Variants in MRPS27 observed in about 807,000 individuals in gnomAD.
The protein encoded by MRPS27 is small ribosomal subunit protein mS27.
Under a neutral mutation model 48.9 loss-of-function variants are expected in MRPS27, and 43 were observed. That is an observed-to-expected ratio of 0.88 (90% CI 0.69 to 1.13). MRPS27 has a LOEUF of 1.13. Ranked by LOEUF, MRPS27 falls within the 50% of genes most tolerant of loss-of-function variation. MRPS27 has a pLI of 0.00. For synonymous variants in MRPS27, 188 were observed against 171.9 expected, an observed-to-expected ratio of 1.09 and a Z score of -0.73; for missense variants, 467 against 476.3, an observed-to-expected ratio of 0.98 and a Z score of 0.18.
chr5:72,238,162 T>TA, intron 4 of MRPS27, 34 bp from the exon 5 acceptor site: 1 of 1,421,228 alleles, frequency 7.0e-7, no homozygotes, highest in Non-Finnish European at 9.9e-7. Context: ...AAACTGGTGT[T>TA]AACTCTTATA....
At chr5:72,288,502 G>A (rs1212738055) in intron 4 of MRPS27, among the ~76,000 whole-genome samples, 1 of 152,186 alleles carries the variant, frequency 6.6e-6, no homozygotes, top group Non-Finnish European at 1.5e-5. Flanking sequence ...GAGCCACTGC[G>A]CCCGGCCATG....
intron 4 of MRPS27, among the ~76,000 whole-genome samples, chr5:72,271,887 C>T (rs1423536576): frequency 6.6e-6 from 1 of 152,178 alleles, no homozygotes; most frequent in Admixed American, 6.6e-5. Flanking sequence ...TTGCAGGGCT[C>T]ATAAAAATTA....
At chr5:72,273,227 A>G (rs536880668) in intron 4 of MRPS27, among the ~76,000 whole-genome samples, 40 of 152,334 alleles carry the variant, frequency 2.6e-4, no homozygotes, top group African/African-American at 9.4e-4. Context: ...CCTTCTTGCC[A>G]AAGTGGACCA....
chr5:72,314,055 C>T (rs1374340047), intron 2 of MRPS27, 26 bp downstream of exon 2: 5 of 1,561,668 alleles, frequency 3.2e-6, no homozygotes, highest in African/African-American at 1.4e-5. Context: ...GAAAATGACA[C>T]ATATAATAGT....
At chr5:72,267,380 G>A (rs963980691) in intron 4 of MRPS27, among the ~76,000 whole-genome samples, 1 of 151,984 alleles carries the variant, frequency 6.6e-6, no homozygotes, top group African/African-American at 2.4e-5. Context: ...GTATTAATTT[G>A]CTTATAGACT....
chr5:72,232,400 C>G, intron 7 of MRPS27, 43 bp downstream of exon 7: 2 of 1,490,864 alleles, frequency 1.3e-6, no homozygotes, highest in Admixed American at 1.9e-5. Flanking sequence ...CCCTGCTTGC[C>G]TTTTCTAAAG....
chr5:72,230,513 AC>A (rs974916683), intron 7 of MRPS27, among the ~76,000 whole-genome samples: 22 of 151,670 alleles, frequency 1.5e-4, no homozygotes, highest in Non-Finnish European at 1.5e-5. Context: ...ATCTTACCCT[AC>A]CCCTTTGGAA....
chr5:72,254,692 G>A (rs928966326), intron 4 of MRPS27, among the ~76,000 whole-genome samples: 1 of 152,092 alleles, frequency 6.6e-6, no homozygotes, highest in African/African-American at 2.4e-5. Flanking sequence ...TAGCAAATAT[G>A]AGTGAACTTT....
At position 72,320,201 on chromosome 5, in the gene MRPS27, C is replaced by A. The variant is rs1750721228; in HGVS notation, c.21G>T (p.Arg7=). Reference sequence around the variant, plus strand: ...CTTGCCGCGCCAGGAGCATCCCGCGCCGCACTATGGAGGCAGCCATCTTGG... The same window carrying A: ...CTTGCCGCGCCAGGAGCATCCCGCGACGCACTATGGAGGCAGCCATCTTGG... MAASIV[R]RGMLLARQVV... Residue 7 remains arginine (R), a synonymous_variant, in exon 1 of 11, where the codon CGG becomes CGT. Transcript: ENST00000261413. 2 of 1,613,866 alleles carry A rather than the reference C, an allele frequency of 1.2e-6. No individual in the cohort carries two copies. Among genetic ancestry groups the A allele is most frequent in the Non-Finnish European group, 1.7e-6 (2 of 1,179,916 alleles).
chr5:72,308,281 TC>T (rs1750335280), intron 2 of MRPS27, among the ~76,000 whole-genome samples: 1 of 152,124 alleles, frequency 6.6e-6, no homozygotes, highest in South Asian at 2.1e-4. Flanking sequence ...CTCGCCGTAC[TC>T]CCCGGCAGGG....
intron 4 of MRPS27, among the ~76,000 whole-genome samples, chr5:72,251,439 G>T (rs1265771550): frequency 6.6e-6 from 1 of 152,194 alleles, no homozygotes; most frequent in Non-Finnish European, 1.5e-5. Context: ...CTAGGAAGGA[G>T]AAGCAAGGGG....
chr5:72,246,377 T>A (rs1487776437), intron 4 of MRPS27, among the ~76,000 whole-genome samples: 1 of 152,108 alleles, frequency 6.6e-6, no homozygotes, highest in Admixed American at 6.6e-5. Context: ...CCTCACTTAT[T>A]CCCCCTACTG....
intron 4 of MRPS27, among the ~76,000 whole-genome samples, chr5:72,274,621 T>C (rs1241370878): frequency 6.6e-6 from 1 of 152,238 alleles, no homozygotes; most frequent in East Asian, 1.9e-4. Flanking sequence ...ATGTATAATA[T>C]AGTAAATATA....
In MRPS27 at chr5:72,249,038, G is replaced by C. The variant is rs746756091; in HGVS notation, c.282-10910C>G. 8.1e-4 allele frequency among the ~76,000 whole-genome samples: 123 copies of C among 152,344 alleles called. 1 individual carries two copies. The highest frequency in any genetic ancestry group is 3.5e-3 in the Admixed American group (54 of 15,298). On this transcript the variant is annotated intron_variant, in intron 4 of 10. Coordinates refer to ENST00000261413, the MANE Select transcript of MRPS27 (RefSeq NM_015084.3). Reference sequence around the variant, plus strand: ...ATTAAGCAGAATTTCAAGTGTGGTAGCAAGTAGACTGTCCACATATACATG... The same window carrying C: ...ATTAAGCAGAATTTCAAGTGTGGTACCAAGTAGACTGTCCACATATACATG...
intron 4 of MRPS27, among the ~76,000 whole-genome samples, chr5:72,293,346 G>A (rs1168938253): frequency 2.0e-5 from 3 of 151,532 alleles, no homozygotes; most frequent in Non-Finnish European, 4.4e-5. Flanking sequence ...GTAATGGAAG[G>A]GAGGAGAAAG....
intron 4 of MRPS27, among the ~76,000 whole-genome samples, chr5:72,266,448 A>C (rs1749109081): frequency 6.6e-6 from 1 of 152,256 alleles, no homozygotes; most frequent in African/African-American, 2.4e-5. Context: ...AGGCTGCCAA[A>C]GTGGCACCAT....
chr5:72,279,362 C>T (rs116044891), intron 4 of MRPS27, among the ~76,000 whole-genome samples: 1 of 152,144 alleles, frequency 6.6e-6, no homozygotes, highest in Admixed American at 6.5e-5. Context: ...AGATACTAAT[C>T]TTTGTTAGCT....
intron 4 of MRPS27, among the ~76,000 whole-genome samples, chr5:72,262,546 T>C (rs1749009966): frequency 6.6e-6 from 1 of 152,128 alleles, no homozygotes; most frequent in African/African-American, 2.4e-5. Flanking sequence ...TTTAGACTGC[T>C]GTTGGACACC....
rs140959070 is a variant in MRPS27, at chr5:72,285,069, T to A, written c.281+10462A>T. 1.5e-4 allele frequency among the ~76,000 whole-genome samples: 23 copies of A among 152,334 alleles called. No homozygotes were observed. In the East Asian group the frequency reaches 2.5e-3, roughly 17 times the overall value. On this transcript the variant is annotated intron_variant, in intron 4 of 10. Coordinates refer to ENST00000261413, the MANE Select transcript of MRPS27 (RefSeq NM_015084.3). Reference sequence around the variant, plus strand: ...TCTATACAAGTTGTACCGATTTATATATCCACTAGCAATGTATGATAATGA... The same window carrying A: ...TCTATACAAGTTGTACCGATTTATAAATCCACTAGCAATGTATGATAATGA...
Sources: gnomAD v4.1 joint callset for allele counts (sites outside exome capture counted in the v4.1 genomes callset) on GRCh38, gnomAD v4.1.1 for gene constraint, MANE v1.5 for transcripts, NCBI Gene and HGNC (gene_info 2026-07-23, HGNC 2026-07-21) for gene names.